The following CNTNAP2 variants were observed in gnomAD, a reference collection of about 807,000 sequenced individuals.
CNTNAP2 encodes the protein contactin associated protein 2.
In CNTNAP2, 98 loss-of-function variants were observed where a neutral mutation model predicts 155.2. That is an observed-to-expected ratio of 0.63 (90% CI 0.54 to 0.75). CNTNAP2 has a LOEUF of 0.75. Ranked by LOEUF, CNTNAP2 falls within the 30% of genes least tolerant of loss-of-function variation. CNTNAP2 has a pLI of 0.00. For synonymous variants in CNTNAP2, 651 were observed against 631.2 expected, an observed-to-expected ratio of 1.03 and a Z score of -0.47; for missense variants, 1,727 against 1,688.1, an observed-to-expected ratio of 1.02 and a Z score of -0.40.
intron 18 of CNTNAP2, among the ~76,000 whole-genome samples, chr7:148,175,470 A>G (rs1312603008): frequency 6.6e-6 from 1 of 152,156 alleles, no homozygotes; most frequent in Non-Finnish European, 1.5e-5. Flanking sequence ...TTATGTAATT[A>G]TATTGTCCCT....
chr7:146,129,670 T>C (rs1584763100), intron 1 of CNTNAP2, among the ~76,000 whole-genome samples: 1 of 152,232 alleles, frequency 6.6e-6, no homozygotes, highest in Non-Finnish European at 1.5e-5. Flanking sequence ...CATTCAGTTT[T>C]CTACATTTTA....
intron 3 of CNTNAP2, among the ~76,000 whole-genome samples, chr7:146,999,257 AAG>A (rs1334462928): frequency 2.7e-5 from 4 of 145,712 alleles, no homozygotes; most frequent in Non-Finnish European, 4.5e-5. Context: ...AAAAAAAAAA[AAG>A]ACAAAGCAAA....
chr7:146,536,164 C>T (rs1797865765), intron 1 of CNTNAP2, among the ~76,000 whole-genome samples: 1 of 151,966 alleles, frequency 6.6e-6, no homozygotes, highest in Admixed American at 6.6e-5. Context: ...ATTTTTGAAC[C>T]ACATTTAGCA....
At chr7:147,090,491 A>G (rs1800379398) in intron 4 of CNTNAP2, among the ~76,000 whole-genome samples, 1 of 152,140 alleles carries the variant, frequency 6.6e-6, no homozygotes, top group Non-Finnish European at 1.5e-5. Context: ...TCATACATTT[A>G]TTCTTACTGG....
At chr7:146,231,162 A>T (rs1307027127) in intron 1 of CNTNAP2, among the ~76,000 whole-genome samples, 1 of 152,182 alleles carries the variant, frequency 6.6e-6, no homozygotes, top group Non-Finnish European at 1.5e-5. Context: ...ATATACATTC[A>T]CTAGGATTAC....
At chr7:147,363,789 A>G (rs763386172) in intron 9 of CNTNAP2, among the ~76,000 whole-genome samples, 48 of 152,332 alleles carry the variant, frequency 3.2e-4, no homozygotes, top group Non-Finnish European at 6.9e-4. Context: ...TTCTTTATCT[A>G]TTTAGGCTCA....
chr7:147,094,070 C>T (rs936263393), intron 4 of CNTNAP2, among the ~76,000 whole-genome samples: 7 of 152,088 alleles, frequency 4.6e-5, no homozygotes, highest in Admixed American at 2.0e-4. Context: ...TGGCTTCTAC[C>T]GGTTTTGATG....
chr7:146,650,545 G>A (rs1205971547), intron 1 of CNTNAP2, among the ~76,000 whole-genome samples: 1 of 152,028 alleles, frequency 6.6e-6, no homozygotes, highest in Non-Finnish European at 1.5e-5. Flanking sequence ...GCCTGTTGCG[G>A]GGTGGGGGGC....
chr7:147,244,027 TG>T (rs1408538558), intron 8 of CNTNAP2, among the ~76,000 whole-genome samples: 1 of 152,232 alleles, frequency 6.6e-6, no homozygotes, highest in Non-Finnish European at 1.5e-5. Flanking sequence ...CACTCGTTTC[TG>T]CCTGAGGTGG....
chr7:148,063,353 T>C (rs1803193187), intron 15 of CNTNAP2, among the ~76,000 whole-genome samples: 1 of 152,072 alleles, frequency 6.6e-6, no homozygotes, highest in African/African-American at 2.4e-5. Context: ...AATATTTTCA[T>C]CACTCTCCCA....
rs75595631 is a variant in CNTNAP2 at position 148,072,079 on chromosome 7, C to T, written c.2384-46039C>T. Among the ~76,000 whole-genome samples, 1,429 of 152,268 alleles carry T rather than the reference C, an allele frequency of 9.4e-3. 28 individuals are homozygous for T. The highest frequency in any genetic ancestry group is 0.032 in the African/African-American group (1,348 of 41,548). ...ATGGCATCTCCTCCCCCTTCCACCC[C>T]ACACATATACTTATTTATTGTCACA... On this transcript the variant is annotated intron_variant, in intron 15 of 23. Transcript: ENST00000361727.
chr7:147,562,466 G>A (rs1400662412), intron 12 of CNTNAP2, among the ~76,000 whole-genome samples: 1 of 152,110 alleles, frequency 6.6e-6, no homozygotes, highest in Non-Finnish European at 1.5e-5. Flanking sequence ...GTTCATGTTT[G>A]ATGTGAACAA....
intron 9 of CNTNAP2, among the ~76,000 whole-genome samples, chr7:147,390,945 C>T (rs1297259068): frequency 2.0e-5 from 3 of 152,076 alleles, no homozygotes; most frequent in Non-Finnish European, 4.4e-5. Context: ...TAAAAGCCAT[C>T]CAAAGTCTCA....
At chr7:147,339,562 T>C (rs544909762) in intron 9 of CNTNAP2, among the ~76,000 whole-genome samples, 78 of 152,256 alleles carry the variant, frequency 5.1e-4, no homozygotes, top group African/African-American at 1.9e-3. Context: ...TCAGGTATTC[T>C]GTTATTGCAG....
intron 15 of CNTNAP2, among the ~76,000 whole-genome samples, chr7:148,094,022 T>A (rs1345949405): frequency 6.6e-6 from 1 of 152,190 alleles, no homozygotes; most frequent in Non-Finnish European, 1.5e-5. Context: ...CCTCCCAAAG[T>A]GCTGGGATTG....
intron 3 of CNTNAP2, among the ~76,000 whole-genome samples, chr7:147,036,197 A>T (rs529595596): frequency 6.6e-6 from 1 of 152,200 alleles, no homozygotes; most frequent in South Asian, 2.1e-4. Context: ...AGGAAGAATA[A>T]TAATATGGGA....
intron 3 of CNTNAP2, among the ~76,000 whole-genome samples, chr7:146,948,449 TATTA>T (rs1202897984): frequency 1.3e-5 from 2 of 151,880 alleles, no homozygotes; most frequent in Admixed American, 6.6e-5. Context: ...TGTCATTTTC[TATTA>T]ATTTTGCATC....
intron 3 of CNTNAP2, among the ~76,000 whole-genome samples, chr7:147,001,473 A>C (rs562871261): frequency 6.6e-6 from 1 of 152,222 alleles, no homozygotes; most frequent in Admixed American, 6.6e-5. Flanking sequence ...GGTTTAAAGA[A>C]ATTACCATAG....
chr7:146,588,588 T>C (rs1254205516), intron 1 of CNTNAP2, among the ~76,000 whole-genome samples: 2 of 152,066 alleles, frequency 1.3e-5, no homozygotes, highest in Admixed American at 1.3e-4. Context: ...CTCATTGCAG[T>C]CTCGACCTCC....
Sources: allele counts gnomAD v4.1 joint callset (sites outside exome capture counted in the v4.1 genomes callset), GRCh38; gene constraint gnomAD v4.1.1; transcripts MANE v1.5; gene names NCBI Gene and HGNC (gene_info 2026-07-23, HGNC 2026-07-21).